The following FOXP2 variants were observed in gnomAD, a reference collection of about 807,000 sequenced individuals.
FOXP2 encodes the protein forkhead box protein P2.
A neutral mutation model predicts 115.8 loss-of-function variants in FOXP2; 12 were observed. The ratio of observed to expected loss-of-function variants is 0.10; its 90% CI spans 0.07 to 0.17. FOXP2 has a LOEUF of 0.17. Among genes scored for constraint, FOXP2 ranks in the 10% least tolerant of loss-of-function variants. The pLI is 1.00. For synonymous variants in FOXP2, 328 were observed against 297.7 expected, an observed-to-expected ratio of 1.10 and a Z score of -1.05; for missense variants, 629 against 843.5, an observed-to-expected ratio of 0.75 and a Z score of 3.15.
At chr7:114,609,697 CA>C (rs1385943230) in intron 3 of FOXP2, among the ~76,000 whole-genome samples, 1 of 152,176 alleles carries the variant, frequency 6.6e-6, no homozygotes, top group African/African-American at 2.4e-5. Context: ...TTGCCAGTGT[CA>C]GTTCCACTGG....
At chr7:114,482,304 A>G (rs931492677) in intron 2 of FOXP2, among the ~76,000 whole-genome samples, 3 of 151,444 alleles carry the variant, frequency 2.0e-5, no homozygotes, top group South Asian at 2.1e-4. Context: ...GCTTGTAAAG[A>G]CTGACGTTAG....
At chr7:114,354,855 A>G (rs1376112947) in intron 2 of FOXP2, among the ~76,000 whole-genome samples, 30 of 152,292 alleles carry the variant, frequency 2.0e-4, no homozygotes, top group Admixed American at 1.9e-3. Flanking sequence ...TTGAAAAGGT[A>G]TATATTTTGG....
upstream of FOXP2, chr7:114,086,477 C>G (rs1469464606): frequency 5.7e-6 from 2 of 348,980 alleles, no homozygotes; most frequent in African/African-American, 2.3e-5. Context: ...CCTCGGCCCC[C>G]CCCCTCCCCG....
intron 2 of FOXP2, among the ~76,000 whole-genome samples, chr7:114,346,743 C>T (rs1032494891): frequency 1.3e-5 from 2 of 151,562 alleles, no homozygotes; most frequent in Non-Finnish European, 3.0e-5. Context: ...AACCTGGTAT[C>T]ATAGAAGCAG....
At chr7:114,487,394 T>G (rs1796844176) in intron 2 of FOXP2, among the ~76,000 whole-genome samples, 1 of 152,188 alleles carries the variant, frequency 6.6e-6, no homozygotes, top group African/African-American at 2.4e-5. Context: ...CATTTTTTCC[T>G]CCTAAGCCTC....
chr7:114,141,437 C>A (rs1792204710), intron 1 of FOXP2, among the ~76,000 whole-genome samples: 1 of 152,170 alleles, frequency 6.6e-6, no homozygotes, highest in South Asian at 2.1e-4. Context: ...TAAAGTTCCT[C>A]TATTTGGTGA....
chr7:114,167,320 T>A (rs916241985), intron 1 of FOXP2, among the ~76,000 whole-genome samples: 5 of 152,216 alleles, frequency 3.3e-5, no homozygotes, highest in African/African-American at 1.2e-4. Context: ...GCTAAGTGAT[T>A]GAAGCTATAT....
At chr7:114,311,454 G>C (rs766845887) in intron 2 of FOXP2, among the ~76,000 whole-genome samples, 1 of 152,232 alleles carries the variant, frequency 6.6e-6, no homozygotes, top group South Asian at 2.1e-4. Flanking sequence ...AGAGAGACAG[G>C]GGCAGGGTTT....
intron 1 of FOXP2, among the ~76,000 whole-genome samples, chr7:114,156,663 C>T (rs1166665681): frequency 6.6e-6 from 1 of 152,102 alleles, no homozygotes. Context: ...TCAAGATCTC[C>T]TGGTGTTGTG....
At chr7:114,642,683 A>G in intron 7 of FOXP2, 60 bp downstream of exon 7, 1 of 1,493,852 alleles carries the variant, frequency 6.7e-7, no homozygotes, top group African/African-American at 1.4e-5. Context: ...TTCACCATTG[A>G]GACAATGAAA....
chr7:114,089,287 C>G (rs571091955), intron 1 of FOXP2, among the ~76,000 whole-genome samples: 64 of 152,102 alleles, frequency 4.2e-4, no homozygotes, highest in African/African-American at 1.5e-3. Flanking sequence ...AAAAGATCAT[C>G]TAAAAGTTCA....
At chr7:114,285,252 C>T (rs1004401944) in intron 1 of FOXP2, among the ~76,000 whole-genome samples, 5 of 152,018 alleles carry the variant, frequency 3.3e-5, no homozygotes, top group African/African-American at 1.2e-4. Context: ...GTTAAAAAAT[C>T]AAATGGAATA....
chr7:114,642,812 A>ATATATATT (rs1308357594), intron 7 of FOXP2, among the ~76,000 whole-genome samples, 189 bp downstream of exon 7: 11 of 72,424 alleles, frequency 1.5e-4, no homozygotes, highest in South Asian at 5.7e-4. Context: ...ATATATATAT[A>ATATATATT]TTTTTTTTTT....
chr7:114,209,440 G>C (rs563560742), intron 1 of FOXP2, among the ~76,000 whole-genome samples: 1 of 152,150 alleles, frequency 6.6e-6, no homozygotes, highest in Non-Finnish European at 1.5e-5. Context: ...TTCTGGATTG[G>C]AAATCCTTTT....
chr7:114,176,556 G>C (rs1793318210), intron 1 of FOXP2, among the ~76,000 whole-genome samples: 1 of 151,670 alleles, frequency 6.6e-6, no homozygotes, highest in Admixed American at 6.6e-5. Context: ...GCCCAGGCTA[G>C]TCTTGAACTC....
intron 2 of FOXP2, among the ~76,000 whole-genome samples, chr7:114,530,345 C>T (rs770267015): frequency 7.2e-5 from 11 of 151,786 alleles, no homozygotes; most frequent in Admixed American, 2.0e-4. Flanking sequence ...GATTTTGTAG[C>T]CTTCAGCTCT....
intron 1 of FOXP2, among the ~76,000 whole-genome samples, chr7:114,175,641 A>G (rs574256621): frequency 8.5e-5 from 13 of 152,302 alleles, no homozygotes; most frequent in African/African-American, 2.9e-4. Flanking sequence ...TCCAAAATGC[A>G]TTAAGTGTAT....
intron 2 of FOXP2, among the ~76,000 whole-genome samples, chr7:114,295,323 C>T (rs1396392782): frequency 6.6e-6 from 1 of 152,152 alleles, no homozygotes; most frequent in Non-Finnish European, 1.5e-5. Context: ...TCTAACAGTA[C>T]TACCCCACAT....
intron 1 of FOXP2, among the ~76,000 whole-genome samples, chr7:114,225,680 T>C (rs1450833): frequency 0.14 from 21,877 of 152,088 alleles, 2,262 homozygotes; most frequent in Non-Finnish European, 0.22. Flanking sequence ...CTCAAACTCC[T>C]GGCCTCCAGG....
Sources: gnomAD v4.1 joint callset for allele counts (sites outside exome capture counted in the v4.1 genomes callset) on GRCh38, gnomAD v4.1.1 for gene constraint, MANE v1.5 for transcripts, NCBI Gene and HGNC (gene_info 2026-07-23, HGNC 2026-07-21) for gene names.